The following CFAP54 variants were observed in gnomAD, a reference collection of about 807,000 sequenced individuals.
The protein encoded by CFAP54 is cilia- and flagella-associated protein 54.
In CFAP54, 290 loss-of-function variants were observed where a neutral mutation model predicts 370.4. The ratio of observed to expected loss-of-function variants is 0.78; its 90% CI spans 0.71 to 0.86. The LOEUF is 0.86. CFAP54 is among the 40% of genes least tolerant of loss of function. The pLI, the probability that CFAP54 is intolerant of heterozygous loss-of-function variation, is 0.00. For missense variants in CFAP54, 3,399 were observed against 3,528.7 expected (o/e 0.96, Z 0.93); for synonymous variants, 1,206 against 1,236.5 (o/e 0.98, Z 0.52).
chr12:96,559,671 T>C (rs978815821), intron 17 of CFAP54, among the ~76,000 whole-genome samples: 3 of 152,092 alleles, frequency 2.0e-5, no homozygotes, highest in Admixed American at 6.6e-5. Flanking sequence ...TGTAGAGATA[T>C]ATACATATAC....
chr12:96,621,205 A>C (rs188363405), intron 26 of CFAP54, among the ~76,000 whole-genome samples: 1 of 152,226 alleles, frequency 6.6e-6, no homozygotes, highest in South Asian at 2.1e-4. Context: ...TTTCCTATAG[A>C]AAGCAACTCA....
At position 96,529,910 on chromosome 12, in the gene CFAP54, T is replaced by C. The variant is rs139231031; in HGVS notation, c.1357+2466T>C. Among the ~76,000 whole-genome samples, 319 of 152,346 alleles carry C rather than the reference T, an allele frequency of 2.1e-3. 1 individual carries two copies. Among genetic ancestry groups the C allele is most frequent in the South Asian group, 0.012 (58 of 4,826 alleles). On this transcript the variant is annotated intron_variant, in intron 9 of 67. Coordinates refer to ENST00000524981, the MANE Select transcript of CFAP54 (RefSeq NM_001306084.2). ...GGTTAAGAAGTTTCAGCTACCCCAA[T>C]GTCGTAAATATATTCTCGTATGTTT...
intron 26 of CFAP54, among the ~76,000 whole-genome samples, chr12:96,611,907 T>C (rs948232421): frequency 1.3e-5 from 2 of 152,108 alleles, no homozygotes; most frequent in African/African-American, 2.4e-5. Context: ...AAAGACCAAA[T>C]CTACATCTGA....
At chr12:96,819,263 A>G (rs913971324) in intron 65 of CFAP54, among the ~76,000 whole-genome samples, 7 of 152,188 alleles carry the variant, frequency 4.6e-5, no homozygotes, top group African/African-American at 1.4e-4. Context: ...TGGGTGGCAC[A>G]TTCATCATGG....
chr12:96,712,478 G>A (rs1852650645), intron 48 of CFAP54, among the ~76,000 whole-genome samples: 1 of 152,022 alleles, frequency 6.6e-6, no homozygotes, highest in African/African-American at 2.4e-5. Flanking sequence ...TCAAATCAGG[G>A]TAATTGGGAT....
chr12:96,682,069 C>T, intron 40 of CFAP54: 3 of 757,972 alleles, frequency 4.0e-6, no homozygotes, highest in Non-Finnish European at 4.8e-6. Flanking sequence ...TCCATTTTCT[C>T]TACCTTCCCT....
intron 39 of CFAP54, among the ~76,000 whole-genome samples, chr12:96,664,325 C>T (rs902479775): frequency 1.3e-5 from 2 of 152,014 alleles, no homozygotes; most frequent in Admixed American, 6.6e-5. Flanking sequence ...TTATTCTCTT[C>T]TATGTGTCCA....
intron 60 of CFAP54, among the ~76,000 whole-genome samples, chr12:96,782,599 G>C (rs1300915537): frequency 6.6e-6 from 1 of 152,096 alleles, no homozygotes. Flanking sequence ...CATTGAAAGA[G>C]ATAAGAAAAC....
chr12:96,537,283 C>T (rs1460899439), intron 12 of CFAP54, among the ~76,000 whole-genome samples: 1 of 152,118 alleles, frequency 6.6e-6, no homozygotes, highest in African/African-American at 2.4e-5. Context: ...CTTGTCTCTA[C>T]ACTTTCCCAA....
chr12:96,602,869 C>T (rs940241136), intron 26 of CFAP54, among the ~76,000 whole-genome samples: 3 of 152,094 alleles, frequency 2.0e-5, no homozygotes, highest in Admixed American at 2.0e-4. Flanking sequence ...TAAGATGGGT[C>T]TCCTGAATAC....
At chr12:96,717,941 T>C in intron 48 of CFAP54, among the ~76,000 whole-genome samples, 1 of 152,222 alleles carries the variant, frequency 6.6e-6, no homozygotes, top group East Asian at 1.9e-4. Context: ...ATATATGACA[T>C]TAGGGACTAT....
At position 96,492,797 on chromosome 12, in the gene CFAP54, A is replaced by G. The variant is rs556737452; in HGVS notation, c.317+2871A>G. 2.0e-3 allele frequency among the ~76,000 whole-genome samples: 301 copies of G among 152,342 alleles called. 1 individual carries two copies. Among genetic ancestry groups the G allele is most frequent in the African/African-American group, 6.6e-3 (275 of 41,570 alleles). ...CACCTGCAGTCAGGAGTTCAAGATC[A>G]GCCTGGCCAACATGGCAAAACTCTG... On this transcript the variant is annotated intron_variant, in intron 1 of 67. Coordinates refer to ENST00000524981, the MANE Select transcript of CFAP54 (RefSeq NM_001306084.2).
intron 43 of CFAP54, among the ~76,000 whole-genome samples, chr12:96,690,636 T>G (rs1592710392): frequency 6.7e-6 from 1 of 149,380 alleles, no homozygotes; most frequent in Non-Finnish European, 1.5e-5. Flanking sequence ...AAGAACATAG[T>G]TTTTTTTTAT....
intron 26 of CFAP54, among the ~76,000 whole-genome samples, chr12:96,615,513 G>A (rs1169189814): frequency 6.6e-5 from 10 of 152,100 alleles, no homozygotes; most frequent in African/African-American, 2.2e-4. Context: ...TTGACAAATG[G>A]GATCTAATTA....
intron 36 of CFAP54, among the ~76,000 whole-genome samples, chr12:96,652,328 C>T (rs1178140159): frequency 6.6e-6 from 1 of 152,194 alleles, no homozygotes; most frequent in Non-Finnish European, 1.5e-5. Flanking sequence ...AACACATACA[C>T]ATGTTGTGCC....
At chr12:96,695,034 A>C (rs34841645) in intron 45 of CFAP54, among the ~76,000 whole-genome samples, 3 of 152,048 alleles carry the variant, frequency 2.0e-5, no homozygotes, top group African/African-American at 7.2e-5. Context: ...AAAAACAAAA[A>C]CAAAAAAAAA....
chr12:96,648,778 C>T (rs1347697438), intron 34 of CFAP54, among the ~76,000 whole-genome samples: 2 of 151,636 alleles, frequency 1.3e-5, no homozygotes, highest in Non-Finnish European at 2.9e-5. Context: ...TTAGTAAAGA[C>T]GGGGTTTCAC....
intron 30 of CFAP54, among the ~76,000 whole-genome samples, chr12:96,627,490 C>T (rs1956560248): frequency 1.3e-5 from 2 of 152,288 alleles, no homozygotes; most frequent in South Asian, 2.1e-4. Context: ...CTTTTATCAA[C>T]TGAGAGTGGG....
intron 3 of CFAP54, among the ~76,000 whole-genome samples, chr12:96,505,344 G>C (rs1955087902): frequency 6.6e-6 from 1 of 151,882 alleles, no homozygotes; most frequent in African/African-American, 2.4e-5. Flanking sequence ...TTACAGGTGT[G>C]AGCCACCGTG....
Sources: gnomAD v4.1 joint callset for allele counts (sites outside exome capture counted in the v4.1 genomes callset) on GRCh38, gnomAD v4.1.1 for gene constraint, MANE v1.5 for transcripts, NCBI Gene and HGNC (gene_info 2026-07-23, HGNC 2026-07-21) for gene names.